NRP1: variants seen among roughly 807,000 people sequenced by gnomAD.
NRP1 encodes neuropilin-1.
A neutral mutation model predicts 106.7 loss-of-function variants in NRP1; 35 were observed. That is an observed-to-expected ratio of 0.33 (90% CI 0.25 to 0.43). The LOEUF is 0.43. Among genes scored for constraint, NRP1 ranks in the 20% least tolerant of loss-of-function variants. The pLI is 1.00. For synonymous variants in NRP1, 437 were observed against 417.9 expected (o/e 1.05, Z -0.56); for missense variants, 1,024 against 1,170.4 (o/e 0.87, Z 1.83).
At chr10:33,199,367 C>CTATATATATAAATATA (rs1837055943) in intron 11 of NRP1, among the ~76,000 whole-genome samples, 1 of 54,276 alleles carries the variant, frequency 1.8e-5, no homozygotes, top group Non-Finnish European at 3.2e-5. Flanking sequence ...TGGCTGTTTT[C>CTATATATATAAATATA]TATATATATA....
intron 6 of NRP1, among the ~76,000 whole-genome samples, chr10:33,244,904 T>A (rs564691856): frequency 8.5e-5 from 13 of 152,350 alleles, no homozygotes; most frequent in African/African-American, 3.1e-4. Flanking sequence ...TGCTTCCTTT[T>A]CTTAATCCCA....
At chr10:33,296,127 T>A (rs1588944013) in intron 2 of NRP1, among the ~76,000 whole-genome samples, 1 of 152,196 alleles carries the variant, frequency 6.6e-6, no homozygotes. Context: ...ATAATAAGAT[T>A]AGAATAAAAG....
At chr10:33,242,033 C>T (rs11009314) in intron 6 of NRP1, among the ~76,000 whole-genome samples, 18,983 of 152,134 alleles carry the variant, frequency 0.12, 1,569 homozygotes, top group East Asian at 0.5. Context: ...AGAACAGCAA[C>T]ATTCTTCCAC....
intron 6 of NRP1, among the ~76,000 whole-genome samples, chr10:33,238,999 C>T (rs1840797961): frequency 6.6e-6 from 1 of 151,428 alleles, no homozygotes; most frequent in South Asian, 2.1e-4. Flanking sequence ...AGAGAGTCTC[C>T]TTCACTTTAG....
intron 6 of NRP1, among the ~76,000 whole-genome samples, chr10:33,251,508 A>G (rs1379501012): frequency 1.3e-5 from 2 of 152,194 alleles, no homozygotes; most frequent in African/African-American, 2.4e-5. Flanking sequence ...GCCATAGAAC[A>G]TGGCATAAGC....
At chr10:33,250,623 GGTGT>G (rs1195396322) in intron 6 of NRP1, among the ~76,000 whole-genome samples, 1 of 152,178 alleles carries the variant, frequency 6.6e-6, no homozygotes, top group Admixed American at 6.5e-5. Flanking sequence ...TAAACAAGTG[GGTGT>G]TAGAGTCTGA....
At chr10:33,302,563 G>A (rs1200638526) in intron 2 of NRP1, among the ~76,000 whole-genome samples, 1 of 152,226 alleles carries the variant, frequency 6.6e-6, no homozygotes, top group Non-Finnish European at 1.5e-5. Context: ...CTATGGCAGA[G>A]GTGACAGGCA....
At chr10:33,207,488 T>A in intron 10 of NRP1, 84 bp downstream of exon 10, 2 of 1,491,974 alleles carry the variant, frequency 1.3e-6, no homozygotes, top group East Asian at 2.3e-5. Flanking sequence ...GGTAGGCAAT[T>A]TGCAAAGGCA....
chr10:33,259,365 A>C (rs1842421894), intron 4 of NRP1, among the ~76,000 whole-genome samples: 1 of 152,138 alleles, frequency 6.6e-6, no homozygotes, highest in African/African-American at 2.4e-5. Flanking sequence ...GAAGTATTGA[A>C]TTTTCCTGAA....
intron 2 of NRP1, among the ~76,000 whole-genome samples, chr10:33,325,351 A>C (rs1473138345): frequency 6.6e-6 from 1 of 152,190 alleles, no homozygotes; most frequent in East Asian, 1.9e-4. Context: ...AAACTCAGTG[A>C]TTAAGATAAA....
rs763853549 is a variant in NRP1 at position 33,213,478 on chromosome 10, T to A, written c.1522A>T (p.Asn508Tyr). 18 of 1,613,864 alleles carry A rather than the reference T, an allele frequency of 1.1e-5. No individual in the cohort carries two copies. The highest frequency in any genetic ancestry group is 7.6e-6 in the Non-Finnish European group (9 of 1,179,978). The change falls in exon 9 of 17, where the codon AAC becomes TAC. Residue 508 changes from asparagine (N) to tyrosine (Y), a missense_variant. This residue lies in a region of NRP1 where 562 missense variants were observed against 620.3 expected (regional missense o/e 0.91). Transcript: ENST00000374867. ...IIIQGGKHRENKVFMRKFKIG... is the reference protein window; with the variant it reads ...IIIQGGKHREYKVFMRKFKIG... ...TTGAACTTCCTCATGAACACCTTGTTCTCTCGGTGCTTCCCACCCTGAATG... is the reference window on the plus strand; with the variant it reads ...TTGAACTTCCTCATGAACACCTTGTACTCTCGGTGCTTCCCACCCTGAATG...
At chr10:33,261,814 G>A (rs1316635081) in intron 4 of NRP1, among the ~76,000 whole-genome samples, 1 of 152,096 alleles carries the variant, frequency 6.6e-6, no homozygotes, top group Non-Finnish European at 1.5e-5. Flanking sequence ...TCGGCTCACT[G>A]CAACCTCTGC....
At chr10:33,202,850 A>G (rs1837450163) in intron 11 of NRP1, 41 bp downstream of exon 11, 1 of 1,614,226 alleles carries the variant, frequency 6.2e-7, no homozygotes, top group Non-Finnish European at 8.5e-7. Flanking sequence ...TAAGACATGA[A>G]CTGAAATGGT....
intron 2 of NRP1, among the ~76,000 whole-genome samples, chr10:33,315,519 A>G (rs1846963623): frequency 1.3e-5 from 2 of 152,198 alleles, no homozygotes; most frequent in African/African-American, 4.8e-5. Flanking sequence ...GGCCAATTCA[A>G]TTTGGCAAAT....
intron 9 of NRP1, chr10:33,213,069 G>T: frequency 1.6e-6 from 1 of 622,658 alleles, no homozygotes; most frequent in Non-Finnish European, 2.8e-6. Context: ...ATCTGCAAGG[G>T]GTTCTGAGCG....
rs190811636 is a variant in NRP1 at position 33,319,838 on chromosome 10, C to T, written c.248+10870G>A. On this transcript the variant is annotated intron_variant, in intron 2 of 16. Coordinates refer to ENST00000374867, the MANE Select transcript of NRP1 (RefSeq NM_003873.7). ...CCTGACCTCGTGATTCACCTGCCTC[C>T]GCCTCCCAAAGTGCTGGGATTGCAG... Among the ~76,000 whole-genome samples, 869 of 150,850 alleles carry T rather than the reference C, an allele frequency of 5.8e-3. 3 individuals carry two copies. Among genetic ancestry groups the T allele is most frequent in the South Asian group, 0.011 (52 of 4,770 alleles).
chr10:33,210,056 T>C (rs1483132383), intron 9 of NRP1, among the ~76,000 whole-genome samples: 4 of 152,098 alleles, frequency 2.6e-5, no homozygotes, highest in Non-Finnish European at 5.9e-5. Flanking sequence ...TGAAGACAGA[T>C]TGGGTAGGTT....
intron 3 of NRP1, among the ~76,000 whole-genome samples, chr10:33,266,607 G>A (rs1396918231): frequency 6.6e-6 from 1 of 152,202 alleles, no homozygotes; most frequent in Non-Finnish European, 1.5e-5. Context: ...TGGCAGAAAA[G>A]GGGTTAAGAA....
chr10:33,233,132 C>T (rs752842480), intron 6 of NRP1, among the ~76,000 whole-genome samples: 7 of 152,096 alleles, frequency 4.6e-5, no homozygotes, highest in Non-Finnish European at 1.0e-4. Flanking sequence ...TTAGCAGATA[C>T]AGAAGAGGAA....
Sources: gnomAD v4.1 joint callset for allele counts (sites outside exome capture counted in the v4.1 genomes callset) on GRCh38, gnomAD v4.1.1 for gene constraint, gnomAD v4.1.1 regional missense constraint, MANE v1.5 for transcripts, NCBI Gene and HGNC (gene_info 2026-07-23, HGNC 2026-07-21) for gene names.